Variants in GNA12 observed in about 807,000 individuals in gnomAD.
The protein encoded by GNA12 is G protein subunit alpha 12, also known as guanine nucleotide-binding protein subunit alpha-12.
A neutral mutation model predicts 26.0 loss-of-function variants in GNA12; 9 were observed. That is an observed-to-expected ratio of 0.35 (90% CI 0.21 to 0.60). The LOEUF is 0.60. Among genes scored for constraint, GNA12 ranks in the 20% least tolerant of loss-of-function variants. The probability of loss-of-function intolerance (pLI) is 0.78; values close to 1 mark genes in which losing one functional copy is unlikely to be tolerated. For synonymous variants in GNA12, 264 were observed against 219.6 expected (o/e 1.20, Z -1.79); for missense variants, 405 against 525.8 (o/e 0.77, Z 2.25).
At chr7:2,788,369 C>A (rs1246002970) in intron 2 of GNA12, among the ~76,000 whole-genome samples, 1 of 152,080 alleles carries the variant, frequency 6.6e-6, no homozygotes, top group Non-Finnish European at 1.5e-5. Flanking sequence ...ATGTGTTGGA[C>A]GGCACGTCTA....
At chr7:2,751,530 G>A (rs2115363212) in intron 2 of GNA12, among the ~76,000 whole-genome samples, 1 of 152,068 alleles carries the variant, frequency 6.6e-6, no homozygotes, top group Middle Eastern at 3.4e-3. Flanking sequence ...TAACAAAGAT[G>A]AGATAACAAT....
intron 1 of GNA12, among the ~76,000 whole-genome samples, chr7:2,805,795 A>G (rs1562438053): frequency 6.6e-6 from 1 of 152,360 alleles, no homozygotes; most frequent in East Asian, 1.9e-4. Flanking sequence ...ACTTGAGTCT[A>G]ATATCTCCAG....
intron 2 of GNA12, among the ~76,000 whole-genome samples, chr7:2,771,583 A>G (rs1386123742): frequency 1.3e-5 from 2 of 152,098 alleles, no homozygotes; most frequent in East Asian, 1.9e-4. Context: ...GGCCTCCTGC[A>G]CTTGGCACAA....
intron 2 of GNA12, among the ~76,000 whole-genome samples, chr7:2,743,466 G>C (rs1048696572): frequency 6.6e-6 from 1 of 152,172 alleles, no homozygotes. Flanking sequence ...GCTTGACACA[G>C]ACTTTAAAGC....
intron 1 of GNA12, among the ~76,000 whole-genome samples, chr7:2,804,122 A>C (rs2115471507): frequency 6.7e-6 from 1 of 148,488 alleles, no homozygotes; most frequent in East Asian, 1.9e-4. Flanking sequence ...AAAACTTGAG[A>C]ACACAAACAC....
At chr7:2,743,405 G>A (rs567109383) in intron 2 of GNA12, among the ~76,000 whole-genome samples, 1 of 152,198 alleles carries the variant, frequency 6.6e-6, no homozygotes, top group South Asian at 2.1e-4. Context: ...TCATCATCAG[G>A]GGCAAAAACA....
At chr7:2,773,363 G>A (rs189545189) in intron 2 of GNA12, among the ~76,000 whole-genome samples, 2 of 152,320 alleles carry the variant, frequency 1.3e-5, no homozygotes, top group East Asian at 3.9e-4. Flanking sequence ...GGGAGTTTGA[G>A]ACCAGCCTGG....
At chr7:2,732,731 G>A (rs1789964077) in intron 3 of GNA12, among the ~76,000 whole-genome samples, 1 of 152,148 alleles carries the variant, frequency 6.6e-6, no homozygotes, top group Non-Finnish European at 1.5e-5. Flanking sequence ...AACACTGCAG[G>A]GGTGGAAGAG....
intron 2 of GNA12, among the ~76,000 whole-genome samples, chr7:2,750,288 T>G (rs1424127263): frequency 1.3e-5 from 2 of 152,068 alleles, no homozygotes; most frequent in Non-Finnish European, 2.9e-5. Context: ...GCCCCCAAAC[T>G]GCAGAGGCAG....
intron 1 of GNA12, among the ~76,000 whole-genome samples, chr7:2,836,489 C>T (rs1391797414): frequency 6.6e-6 from 1 of 152,136 alleles, no homozygotes; most frequent in Non-Finnish European, 1.5e-5. Flanking sequence ...CCAGGATGGG[C>T]GCTGCAGAAG....
In GNA12 at chr7:2,729,663, G is replaced by T; in HGVS notation, c.*1518C>A. The T allele has an allele frequency of 6.6e-6, 1 of 152,340 alleles. No individual in the cohort carries two copies. Among genetic ancestry groups the T allele is most frequent in the East Asian group, 1.9e-4 (1 of 5,320 alleles). 9.4% of individuals were successfully genotyped at this position (152,340 alleles called of 1,614,324 possible). On this transcript the variant is annotated 3_prime_UTR_variant, in exon 4 of 4. Coordinates refer to ENST00000275364, the MANE Select transcript of GNA12 (RefSeq NM_007353.3). ...GAGCTGCAGAGGGGCTCGGGGCTCG[G>T]GGCAGCACGGCCTCGGGACGAGGGC...
chr7:2,791,608 A>T (rs999028220), intron 2 of GNA12, among the ~76,000 whole-genome samples: 1 of 152,224 alleles, frequency 6.6e-6, no homozygotes, highest in South Asian at 2.1e-4. Flanking sequence ...CTTCACAGGG[A>T]CTGTCAAATG....
At chr7:2,736,874 T>C (rs1055926047) in intron 2 of GNA12, among the ~76,000 whole-genome samples, 3 of 152,190 alleles carry the variant, frequency 2.0e-5, no homozygotes, top group Admixed American at 6.5e-5. Flanking sequence ...CGCACTTCCT[T>C]CAGCTAATTT....
At chr7:2,788,078 C>G (rs550576808) in intron 2 of GNA12, among the ~76,000 whole-genome samples, 1 of 152,116 alleles carries the variant, frequency 6.6e-6, no homozygotes, top group Admixed American at 6.5e-5. Flanking sequence ...CGCTTGAACC[C>G]AGGAGGCAGA....
intron 1 of GNA12, among the ~76,000 whole-genome samples, chr7:2,825,909 T>C (rs1307263649): frequency 6.6e-6 from 1 of 152,050 alleles, no homozygotes; most frequent in South Asian, 2.1e-4. Flanking sequence ...CCACACCATA[T>C]ATCATTAGGG....
intron 1 of GNA12, among the ~76,000 whole-genome samples, chr7:2,839,309 C>T (rs1252451927): frequency 1.3e-5 from 2 of 152,204 alleles, no homozygotes; most frequent in African/African-American, 4.8e-5. Context: ...TGTTGGCTCA[C>T]TGCAACCTTT....
chr7:2,795,168 G>T, intron 1 of GNA12, 25 bp from the exon 2 acceptor site: 2 of 1,556,902 alleles, frequency 1.3e-6, no homozygotes, highest in Non-Finnish European at 1.8e-6. Flanking sequence ...AAAGAAGAGA[G>T]GATTTAATTG....
At chr7:2,750,560 C>T (rs1437730111) in intron 2 of GNA12, among the ~76,000 whole-genome samples, 7 of 152,176 alleles carry the variant, frequency 4.6e-5, no homozygotes, top group Non-Finnish European at 7.3e-5. Flanking sequence ...TAAAACAGAA[C>T]AATTGTAACA....
intron 2 of GNA12, among the ~76,000 whole-genome samples, chr7:2,771,485 C>T (rs928190343): frequency 4.6e-5 from 7 of 152,164 alleles, no homozygotes; most frequent in African/African-American, 1.4e-4. Flanking sequence ...CCAGGCAACC[C>T]GTGGTCGGCA....
Sources: allele counts gnomAD v4.1 joint callset (sites outside exome capture counted in the v4.1 genomes callset), GRCh38; gene constraint gnomAD v4.1.1; transcripts MANE v1.5; gene names NCBI Gene and HGNC (gene_info 2026-07-23, HGNC 2026-07-21).